The following RFX5 variants were observed in gnomAD, a reference collection of about 807,000 sequenced individuals.
RFX5 encodes DNA-binding protein RFX5.
RFX5 carries 30 observed loss-of-function variants against 41.2 expected under a neutral mutation model. The ratio of observed to expected loss-of-function variants is 0.73; its 90% confidence interval spans 0.54 to 0.99. The LOEUF is 0.99. Ranked by LOEUF, RFX5 falls within the 50% of genes least tolerant of loss-of-function variation. RFX5 has a pLI of 0.00. For missense variants in RFX5, 715 were observed against 773.6 expected, an observed-to-expected ratio of 0.92 and a Z score of 0.90; for synonymous variants, 231 against 291.8, an observed-to-expected ratio of 0.79 and a Z score of 2.12.
intron 3 of RFX5, 57 bp downstream of exon 3, chr1:151,346,148 C>T (rs565036980): frequency 2.5e-6 from 4 of 1,569,364 alleles, no homozygotes; most frequent in African/African-American, 1.3e-5. Context: ...AAGTGAAGTG[C>T]TGCAGGGATC....
rs1651019596 is a variant in RFX5 at position 151,346,039 on chromosome 1, A to G, written c.117-78T>C. On this transcript the variant is annotated intron_variant, in intron 3 of 10. Coordinates refer to ENST00000452671, the MANE Select transcript of RFX5 (RefSeq NM_001025603.2). ...TTTATCTGACTGCTAGGGAGGGAAA[A>G]GGACTGAAATGCCCAGCAGGTGCTC... 3.1e-6 allele frequency: 5 copies of G among 1,609,174 alleles called. No homozygotes were observed. In the Admixed American group the frequency reaches 5.0e-5, roughly 16 times the overall value.
Position 151,345,923 on chromosome 1 carries a change from C to G in RFX5, c.150+5G>C. ...CTCTCTTGCCCTCTTCCCCAACACA[C>G]TTACCAGGATCCCCTCTACTTTGTT... On this transcript the variant is annotated splice_donor_5th_base_variant and intron_variant, in intron 4 of 10. Coordinates refer to ENST00000452671, the MANE Select transcript of RFX5 (RefSeq NM_001025603.2). 6.2e-7 allele frequency: 1 copy of G among 1,614,194 alleles called. No homozygotes were observed. The highest frequency in any genetic ancestry group is 8.5e-7 in the Non-Finnish European group (1 of 1,180,034).
Position 151,341,797 on chromosome 1 carries a change from A to T in RFX5, c.*389T>A. ...GGTCAAGTCTTCACCTGGAGCCAGC[A>T]CTACCTATGGACTTTCTAGTTACAT... On this transcript the variant is annotated 3_prime_UTR_variant, in exon 11 of 11. Transcript: ENST00000452671. 2.7e-6 allele frequency: 1 copy of T among 364,246 alleles called. No homozygotes were observed. Among genetic ancestry groups the T allele is most frequent in the African/African-American group, 2.1e-5 (1 of 47,180 alleles). 22.6% of individuals were successfully genotyped at this position (364,246 alleles called of 1,614,324 possible). A position where few individuals can be genotyped will look rare whatever the true frequency, so the allele number is the denominator to read the frequency against.
Position 151,345,887 on chromosome 1 carries a change from C to G in RFX5, c.150+41G>C, listed in dbSNP as rs1325340278. ...TCATCCTCACATCCTCCTCCCTCAG[C>G]ATTTCCATCCCTCTCTTGCCCTCTT... On this transcript the variant is annotated intron_variant, in intron 4 of 10. Coordinates refer to ENST00000452671, the MANE Select transcript of RFX5 (RefSeq NM_001025603.2). 6 of 1,613,732 alleles carry G rather than the reference C, an allele frequency of 3.7e-6. No homozygotes were observed. The Admixed American group carries it at 6.7e-5, about 18-fold the overall frequency.
rs1169897921 is a variant in RFX5 at position 151,341,419 on chromosome 1, T to C, written c.*767A>G. Reference sequence around the variant, plus strand: ...AGCGGCCACCCAAGCAACTCCCTGCTCCTAGTTTCCACTTGGGGAATCCAT... The same window carrying C: ...AGCGGCCACCCAAGCAACTCCCTGCCCCTAGTTTCCACTTGGGGAATCCAT... On this transcript the variant is annotated 3_prime_UTR_variant, in exon 11 of 11. Transcript: ENST00000452671. 6.5e-6 allele frequency: 1 copy of C among 153,188 alleles called. No homozygotes were observed. The highest frequency in any genetic ancestry group is 6.5e-5 in the Admixed American group (1 of 15,386). The allele number at this position is 153,188 out of a possible 1,614,324, so 9.5% of individuals were successfully genotyped here. A position where few individuals can be genotyped will look rare whatever the true frequency, so the allele number is the denominator to read the frequency against.
Position 151,342,497 on chromosome 1 carries a change from C to G in RFX5, c.1540G>C (p.Gly514Arg), listed in dbSNP as rs920506839. 1.2e-6 allele frequency: 2 copies of G among 1,614,144 alleles called. No homozygotes were observed. The highest frequency in any genetic ancestry group is 1.3e-5 in the African/African-American group (1 of 75,036). Residue 514 changes from glycine to arginine, a missense_variant, in exon 11 of 11, where the codon GGG (glycine) becomes CGG (arginine). Coordinates refer to ENST00000452671, the MANE Select transcript of RFX5 (RefSeq NM_001025603.2). ...GSGGEGNSAG[G>R]AERPGPMGEA... ...CCCATTGGCCCTGGCCTCTCTGCCC[C>G]TCCAGCTGAGTTGCCTTCCCCTCCT...
In RFX5 at chr1:151,342,223, G is replaced by A. The variant is rs778157805; in HGVS notation, c.1814C>T (p.Ser605Phe). 3 of 1,614,158 alleles carry A rather than the reference G, an allele frequency of 1.9e-6. No individual in the cohort carries two copies. The South Asian group carries it at 3.3e-5, about 18-fold the overall frequency. The change falls in exon 11 of 11, where the codon TCC becomes TTC. Residue 605 changes from serine (S) to phenylalanine (F), a missense_variant. Ser to Phe is a radical substitution (Grantham distance 155). Transcript: ENST00000452671. ...LKEHVLQSSL[S>F]QEHKDPKATP... ...TGCTTTTGGGTCTTTATGCTCCTGG[G>A]ATAAGGAACTTTGAAGCACATGCTC... is the stretch of plus-strand genomic sequence containing the variant.
Position 151,342,172 on chromosome 1 carries a change from C to T in RFX5, c.*14G>A, listed in dbSNP as rs750409859. 5 of 1,614,060 alleles carry T rather than the reference C, an allele frequency of 3.1e-6. No individual in the cohort carries two copies. The highest frequency in any genetic ancestry group is 4.2e-6 in the Non-Finnish European group (5 of 1,180,036). On this transcript the variant is annotated 3_prime_UTR_variant, in exon 11 of 11. Transcript: ENST00000452671. ...TAACGTAGGGATATAAACACTCTTC[C>T]CCACAGACCTGTATCATGGGGGTGT...
chr1:151,344,791 C>G lies in RFX5; in HGVS notation c.290G>C (p.Arg97Pro), dbSNP rs756804631. The G allele has an allele frequency of 6.4e-7, 1 of 1,563,796 alleles. No homozygotes were observed. The highest frequency in any genetic ancestry group is 1.1e-5 in the South Asian group (1 of 90,392). ...EEYMYAYRWIRNHLEEHTDTC... is the reference protein window; with the variant it reads ...EEYMYAYRWIPNHLEEHTDTC... ...GTCAGTGTGCTCTTCCAGGTGGTTG[C>G]GGATCCACCTATAGGCATACATGTA... Residue 97 changes from arginine to proline, a missense_variant, in exon 6 of 11, where the codon CGC (arginine) becomes CCC (proline). Transcript: ENST00000452671.
At position 151,346,067 on chromosome 1, in the gene RFX5, G is replaced by T. The variant is rs200433145; in HGVS notation, c.117-106C>A. The T allele has an allele frequency of 6.1e-5, 98 of 1,594,970 alleles. 1 individual carries two copies. The East Asian group carries it at 2.1e-3, about 35-fold the overall frequency. On this transcript the variant is annotated intron_variant, in intron 3 of 10. Coordinates refer to ENST00000452671, the MANE Select transcript of RFX5 (RefSeq NM_001025603.2). ...ACTGAAATGCCCAGCAGGTGCTCAA[G>T]AATTGCTACCATGGCCAAAAATCTC... is the stretch of plus-strand genomic sequence containing the variant.
rs752637635 is a variant in RFX5, at chr1:151,342,189, TG to T, written c.1847del (p.Pro616HisfsTer15). ...CACTCTTCCCCACAGACCTGTATCA[TG>T]GGGGTGTTGCTTTTGGGTCTTTATG... Reference protein sequence around the residue: ...QEHKDPKATPP With the variant: ...QEHKDPKATPX On this transcript the variant is annotated frameshift_variant, in exon 11 of 11. Transcript: ENST00000452671. LOFTEE classifies it high-confidence loss of function. 2 of 1,614,166 alleles carry T rather than the reference TG, an allele frequency of 1.2e-6. No individual in the cohort carries two copies. The highest frequency in any genetic ancestry group is 1.1e-5 in the South Asian group (1 of 91,084).
At position 151,341,574 on chromosome 1, in the gene RFX5, A is replaced by G. The variant is rs1161804256; in HGVS notation, c.*612T>C. 1 of 215,662 alleles carries G rather than the reference A, an allele frequency of 4.6e-6. No individual in the cohort carries two copies. The highest frequency in any genetic ancestry group is 2.4e-5 in the African/African-American group (1 of 42,268). 13.4% of individuals were successfully genotyped at this position (215,662 alleles called of 1,614,324 possible). A position where few individuals can be genotyped will look rare whatever the true frequency, so the allele number is the denominator to read the frequency against. ...CAGGGTGGACATGTGACCCAGGCCT[A>G]ATCAGTGTGAATATTAGGGCTTTTG... On this transcript the variant is annotated 3_prime_UTR_variant, in exon 11 of 11. Coordinates refer to ENST00000452671, the MANE Select transcript of RFX5 (RefSeq NM_001025603.2).
At position 151,344,866 on chromosome 1, in the gene RFX5, C is replaced by A. The variant is rs771984110; in HGVS notation, c.234-19G>T. 6.2e-7 allele frequency: 1 copy of A among 1,614,060 alleles called. No homozygotes were observed. On this transcript the variant is annotated intron_variant, in intron 5 of 10. Transcript: ENST00000452671. Reference sequence around the variant, plus strand: ...CTCTGAGCTACAGAAACAAAAGGAACAAGCATTACTAAGACCCTAACAGTT... The same window carrying A: ...CTCTGAGCTACAGAAACAAAAGGAAAAAGCATTACTAAGACCCTAACAGTT...
Position 151,346,344 on chromosome 1 carries a change from G to A in RFX5, c.-13-11C>T. 6.2e-7 allele frequency: 1 copy of A among 1,605,978 alleles called. No homozygotes were observed. Among genetic ancestry groups the A allele is most frequent in the South Asian group, 1.1e-5 (1 of 90,898 alleles). ...ATCCCGGCATGAGGGCTAGAATTGA[G>A]AGGGACAGGCATAAAGATGTAACTC... On this transcript the variant is annotated splice_polypyrimidine_tract_variant and intron_variant, in intron 2 of 10. Transcript: ENST00000452671.
chr1:151,344,372 C>A (rs771415525), intron 7 of RFX5, 45 bp downstream of exon 7: 3 of 1,614,190 alleles, frequency 1.9e-6, no homozygotes, highest in East Asian at 4.5e-5. Context: ...CATCCTAAGT[C>A]TTCCTCCCAG....
Position 151,341,908 on chromosome 1 carries a change from A to G in RFX5, c.*278T>C, listed in dbSNP as rs1025390888. 7 of 625,748 alleles carry G rather than the reference A, an allele frequency of 1.1e-5. No homozygotes were observed. Among genetic ancestry groups the G allele is most frequent in the Admixed American group, 2.4e-5 (1 of 41,438 alleles). The allele number at this position is 625,748 out of a possible 1,614,324, so 38.8% of individuals were successfully genotyped here. ...CAAAAGATCCCTAACCTATATATTCATCATACTTAGCCCATTCCTACCTTC... is the reference window on the plus strand; with the variant it reads ...CAAAAGATCCCTAACCTATATATTCGTCATACTTAGCCCATTCCTACCTTC... On this transcript the variant is annotated 3_prime_UTR_variant, in exon 11 of 11. Transcript: ENST00000452671.
chr1:151,346,267 G>C lies in RFX5; in HGVS notation c.54C>G (p.Pro18=), dbSNP rs1173268538. 1.2e-6 allele frequency: 2 copies of C among 1,614,054 alleles called. No homozygotes were observed. Among genetic ancestry groups the C allele is most frequent in the East Asian group, 2.2e-5 (1 of 44,892 alleles). Residue 18 remains proline (P), a synonymous_variant, in exon 3 of 11, where the codon CCC becomes CCG. Coordinates refer to ENST00000452671, the MANE Select transcript of RFX5 (RefSeq NM_001025603.2). ...AKSPKTGGRA[P]PGGAEAGEPT... ...GTTCCCCAGCCTCAGCACCACCTGG[G>C]GGGGCCCTTCCCCCAGTCTTGGGGC... is the stretch of plus-strand genomic sequence containing the variant.
Position 151,342,016 on chromosome 1 carries a change from G to T in RFX5, c.*170C>A. ...AAGCCCAGGGTATCAAGCTGAAAAG[G>T]TCAGAGGCAGCAACCAGGTACTAAG... On this transcript the variant is annotated 3_prime_UTR_variant, in exon 11 of 11. Transcript: ENST00000452671. The T allele has an allele frequency of 1.1e-6, 1 of 895,062 alleles. No homozygotes were observed. Among genetic ancestry groups the T allele is most frequent in the Non-Finnish European group, 1.8e-6 (1 of 544,966 alleles). The allele number at this position is 895,062 out of a possible 1,614,324, so 55.4% of individuals were successfully genotyped here.
chr1:151,345,207 G>A lies in RFX5; in HGVS notation c.151-19C>T. The A allele has an allele frequency of 6.2e-7, 1 of 1,602,440 alleles. No homozygotes were observed. On this transcript the variant is annotated intron_variant, in intron 4 of 10. Transcript: ENST00000452671. ...CATCTTGCTGAGGTAGGAGAGAACA[G>A]AGGCAGGAGAAATAATAAGGCCAAG...
Sources: allele counts gnomAD v4.1 joint callset, GRCh38; gene constraint gnomAD v4.1.1; transcripts MANE v1.5; gene names NCBI Gene and HGNC (gene_info 2026-07-23, HGNC 2026-07-21).